The following ZSCAN18 variants were observed in gnomAD, a reference collection of about 807,000 sequenced individuals.
ZSCAN18 encodes zinc finger and SCAN domain-containing protein 18.
ZSCAN18 carries 16 observed loss-of-function variants against 31.1 expected under a neutral mutation model. The observed-to-expected ratio is 0.51, with a 90% CI of 0.35 to 0.78. The LOEUF is 0.78. ZSCAN18 is among the 30% of genes least tolerant of loss of function. ZSCAN18 has a pLI of 0.01. For missense variants in ZSCAN18, 731 were observed against 697.4 expected (o/e 1.05, Z -0.54); for synonymous variants, 375 against 320.7 (o/e 1.17, Z -1.81).
rs539406079 is a variant in ZSCAN18 at position 58,090,684 on chromosome 19, G to A, written c.-119-298C>T. The A allele has an allele frequency of 4.1e-6, 1 of 244,838 alleles. No homozygotes were observed. The highest frequency in any genetic ancestry group is 8.4e-5 in the East Asian group (1 of 11,974). 15.2% of individuals were successfully genotyped at this position (244,838 alleles called of 1,614,324 possible). A position where few individuals can be genotyped will look rare whatever the true frequency, so the allele number is the denominator to read the frequency against. ...GGCTCAATGCAACCTCTACCTCCCG[G>A]GTTCAAGCGAGTCTCCTGCCTCAGT... On this transcript the variant is annotated intron_variant, in intron 1 of 6. Coordinates refer to ENST00000601144, the MANE Select transcript of ZSCAN18 (RefSeq NM_001145543.2). The surrounding 1 kb of genome is among the most constrained non-coding windows in gnomAD (Gnocchi z 4.7).
At chr19:58,085,613 C>A in intron 6 of ZSCAN18, 1 of 534,550 alleles carries the variant, frequency 1.9e-6, no homozygotes. Context: ...AGGCCACCGA[C>A]AGGACAGGAA....
intron 3 of ZSCAN18, chr19:58,088,428 G>T: frequency 2.3e-6 from 1 of 433,164 alleles, no homozygotes; most frequent in South Asian, 3.3e-5. Context: ...CATGGTCGGG[G>T]GTTGGGAGAT....
At chr19:58,101,915 A>G (rs936359043), upstream of ZSCAN18, among the ~76,000 whole-genome samples, 13 of 151,938 alleles carry the variant, frequency 8.6e-5, no homozygotes, top group African/African-American at 3.1e-4. Context: ...GTAATTTCAC[A>G]TAACTTTTTT....
At chr19:58,106,031 G>A (rs963358324) in intron 1 of ZSCAN18, among the ~76,000 whole-genome samples, 13 of 152,160 alleles carry the variant, frequency 8.5e-5, no homozygotes, top group Non-Finnish European at 4.4e-5. Context: ...GCCATAGATA[G>A]TAATGATTCC....
At chr19:58,093,041 T>A (rs897336068) in intron 1 of ZSCAN18, among the ~76,000 whole-genome samples, 2 of 152,170 alleles carry the variant, frequency 1.3e-5, no homozygotes, top group South Asian at 2.1e-4. Context: ...CCTCCCAAAG[T>A]GCTGGGATTA....
At chr19:58,096,099 G>A (rs2074515049) in intron 1 of ZSCAN18, among the ~76,000 whole-genome samples, 2 of 152,162 alleles carry the variant, frequency 1.3e-5, no homozygotes, top group Admixed American at 1.3e-4. Flanking sequence ...AGGTGCGGCA[G>A]CGTACATCTA....
chr19:58,092,799 G>GTAAGACCCT, intron 1 of ZSCAN18: 4 of 779,900 alleles, frequency 5.1e-6, no homozygotes, highest in Non-Finnish European at 6.2e-6. Context: ...TTAAACACAG[G>GTAAGACCCT]GTCTTACTCT....
At position 58,085,030 on chromosome 19, in the gene ZSCAN18, G is replaced by A. The variant is rs1403765926; in HGVS notation, c.1188C>T (p.Ala396=). The change falls in exon 7 of 7, where the codon GCC becomes GCT. Residue 396 remains alanine (A), a synonymous_variant. Transcript: ENST00000601144. ...GCTCGTCAGCCCCAGGGCCCTGCCC[G>A]GCCTCCAGCCCTGCGCTGTCGCCGG... The part of the protein sequence containing the change: ...SSSGDSAGLE[A]GQGPGADEPG... 4.4e-6 allele frequency: 7 copies of A among 1,589,650 alleles called. No individual in the cohort carries two copies. The highest frequency in any genetic ancestry group is 1.1e-5 in the South Asian group (1 of 88,012).
chr19:58,084,469 C>T lies in ZSCAN18; in HGVS notation c.*216G>A, dbSNP rs2074218017. ...CACATCCGGCGGCTCCCCTCGGATG[C>T]GAGCGCTGGCCCAGGGTGTGTTTAC... is the stretch of plus-strand genomic sequence containing the variant. On this transcript the variant is annotated 3_prime_UTR_variant, in exon 7 of 7. Coordinates refer to ENST00000601144, the MANE Select transcript of ZSCAN18 (RefSeq NM_001145543.2). The surrounding 1 kb of genome is among the most constrained non-coding windows in gnomAD (Gnocchi z 4.5). 4.2e-6 allele frequency: 2 copies of T among 470,712 alleles called. No homozygotes were observed. Among genetic ancestry groups the T allele is most frequent in the Admixed American group, 4.0e-5 (1 of 25,106 alleles). The allele number at this position is 470,712 out of a possible 1,614,324, so 29.2% of individuals were successfully genotyped here. A position where few individuals can be genotyped will look rare whatever the true frequency, so the allele number is the denominator to read the frequency against.
intron 1 of ZSCAN18, chr19:58,108,234 G>C (rs1479777852): frequency 1.0e-6 from 1 of 985,370 alleles, no homozygotes; most frequent in African/African-American, 1.7e-5. Context: ...ATCAATGAAG[G>C]CCTTTCTACA....
chr19:58,107,764 T>C, intron 1 of ZSCAN18: 1 of 991,510 alleles, frequency 1.0e-6, no homozygotes, highest in East Asian at 1.1e-4. Flanking sequence ...CCCATAGGTC[T>C]CAGTCCAATG....
intron 6 of ZSCAN18, chr19:58,085,970 C>T: frequency 1.8e-6 from 1 of 571,026 alleles, no homozygotes; most frequent in Non-Finnish European, 3.2e-6. Context: ...TTCCACCGAC[C>T]AAGTCTTGGG....
rs2074209470 is a variant in ZSCAN18, at chr19:58,084,010, C to A, written c.*675G>T. 1 of 152,238 alleles carries A rather than the reference C, an allele frequency of 6.6e-6. No homozygotes were observed. Among genetic ancestry groups the A allele is most frequent in the South Asian group, 2.1e-4 (1 of 4,836 alleles). 9.4% of individuals were successfully genotyped at this position (152,238 alleles called of 1,614,324 possible). ...CACAAAACAGTATTTGCCTTTACTA[C>A]ATGATGCATTCTGGCCTACTTTATT... On this transcript the variant is annotated 3_prime_UTR_variant, in exon 7 of 7. Transcript: ENST00000601144. The surrounding 1 kb of genome is among the most constrained non-coding windows in gnomAD (Gnocchi z 4.5).
At chr19:58,115,774 G>A (rs933445525) in intron 1 of ZSCAN18, among the ~76,000 whole-genome samples, 2 of 152,102 alleles carry the variant, frequency 1.3e-5, no homozygotes, top group African/African-American at 4.8e-5. Context: ...TTTAGCAAGC[G>A]TGGTTTCATC....
intron 1 of ZSCAN18, among the ~76,000 whole-genome samples, chr19:58,110,058 T>G (rs928679187): frequency 6.6e-6 from 1 of 152,158 alleles, no homozygotes; most frequent in Admixed American, 6.6e-5. Context: ...AAAAATTATT[T>G]TTTGTAGAGA....
chr19:58,105,530 G>A (rs552613587), intron 1 of ZSCAN18, among the ~76,000 whole-genome samples: 13 of 151,926 alleles, frequency 8.6e-5, no homozygotes, highest in African/African-American at 2.4e-4. Flanking sequence ...GCGTGGTGGC[G>A]GGTGCCTGTA....
intron 1 of ZSCAN18, among the ~76,000 whole-genome samples, chr19:58,110,691 C>T (rs1370524042): frequency 6.6e-6 from 1 of 152,230 alleles, no homozygotes; most frequent in East Asian, 1.9e-4. Context: ...CAGTATCCTA[C>T]CAATTTACAC....
At chr19:58,109,032 T>G (rs927085256) in intron 1 of ZSCAN18, 2 of 1,219,400 alleles carry the variant, frequency 1.6e-6, no homozygotes, top group African/African-American at 3.1e-5. Context: ...CTCTTTGACA[T>G]GAAGCTAGGA....
upstream of ZSCAN18, among the ~76,000 whole-genome samples, chr19:58,100,616 A>G (rs1203264658): frequency 6.6e-6 from 1 of 152,180 alleles, no homozygotes; most frequent in Non-Finnish European, 1.5e-5. Flanking sequence ...AGGGATAAAG[A>G]TCAAATGTAA....
Sources: allele counts gnomAD v4.1 joint callset (sites outside exome capture counted in the v4.1 genomes callset), GRCh38; gene constraint gnomAD v4.1.1; non-coding constraint Gnocchi (gnomAD v3.1); transcripts MANE v1.5; gene names NCBI Gene and HGNC (gene_info 2026-07-23, HGNC 2026-07-21).